Variants in TMIGD3 observed in about 807,000 individuals in gnomAD.
TMIGD3 encodes the protein AD026 protein (AD026).
A neutral mutation model predicts 28.1 loss-of-function variants in TMIGD3; 21 were observed. The ratio of observed to expected loss-of-function variants is 0.75; its 90% CI spans 0.53 to 1.08. The LOEUF (loss-of-function observed/expected upper bound fraction) is 1.08, where lower values mean the gene tolerates loss of function less well. Among genes scored for constraint, TMIGD3 ranks in the 50% least tolerant of loss-of-function variants. The probability of loss-of-function intolerance (pLI) is 0.00; values close to 1 mark genes in which losing one functional copy is unlikely to be tolerated. For synonymous variants in TMIGD3, 151 were observed against 162.1 expected, an observed-to-expected ratio of 0.93 and a Z score of 0.52; for missense variants, 416 against 435.6, an observed-to-expected ratio of 0.96 and a Z score of 0.40.
At chr1:111,518,121 C>T (rs1478238182) in intron 1 of TMIGD3, among the ~76,000 whole-genome samples, 1 of 152,160 alleles carries the variant, frequency 6.6e-6, no homozygotes, top group African/African-American at 2.4e-5. Flanking sequence ...CACTTTTAAC[C>T]TTTTTGCTAT....
intron 1 of TMIGD3, among the ~76,000 whole-genome samples, chr1:111,560,768 AG>A (rs1657707304): frequency 6.6e-6 from 1 of 152,210 alleles, no homozygotes; most frequent in Non-Finnish European, 1.5e-5. Context: ...CTGGGATTAC[AG>A]GCACACACCA....
chr1:111,490,221 A>G (rs556660478), intron 2 of TMIGD3: 117 of 164,376 alleles, frequency 7.1e-4, no homozygotes, highest in African/African-American at 2.3e-3. Context: ...ATGTGCACAT[A>G]TATTTTTGAG....
At chr1:111,509,039 G>A (rs956844690) in intron 1 of TMIGD3, among the ~76,000 whole-genome samples, 2 of 152,216 alleles carry the variant, frequency 1.3e-5, no homozygotes, top group African/African-American at 4.8e-5. Context: ...AGGTTGCAGT[G>A]AGGTGAGATC....
chr1:111,528,481 T>A (rs1048774015), intron 1 of TMIGD3, among the ~76,000 whole-genome samples: 4 of 152,164 alleles, frequency 2.6e-5, no homozygotes, highest in Admixed American at 6.5e-5. Flanking sequence ...TTTAATATCG[T>A]GTTGGCTATT....
At chr1:111,513,064 T>C (rs1655744643) in intron 1 of TMIGD3, among the ~76,000 whole-genome samples, 1 of 152,180 alleles carries the variant, frequency 6.6e-6, no homozygotes, top group African/African-American at 2.4e-5. Context: ...GTCTGACAGT[T>C]CACAGCTTCC....
At chr1:111,504,120 A>G, upstream of TMIGD3, 1 of 985,398 alleles carries the variant, frequency 1.0e-6, no homozygotes, top group Non-Finnish European at 1.2e-6. Context: ...TGCAGCAAAG[A>G]TCCTTGGTCA....
At chr1:111,521,283 G>A (rs573394123) in intron 1 of TMIGD3, among the ~76,000 whole-genome samples, 240 of 152,164 alleles carry the variant, frequency 1.6e-3, no homozygotes, top group African/African-American at 5.4e-3. Flanking sequence ...CATGTTTTTG[G>A]GGTAAATACC....
At chr1:111,494,143 G>A (rs138360786) in intron 1 of TMIGD3, among the ~76,000 whole-genome samples, 4 of 152,282 alleles carry the variant, frequency 2.6e-5, no homozygotes, top group African/African-American at 4.8e-5. Flanking sequence ...ATAGGAAGTC[G>A]GATTGCTATC....
upstream of TMIGD3, among the ~76,000 whole-genome samples, chr1:111,506,901 T>A (rs867418318): frequency 7.4e-4 from 72 of 97,838 alleles, no homozygotes; most frequent in South Asian, 2.3e-3. Context: ...ACAAAAAATA[T>A]ATATATATAT....
chr1:111,499,575 T>C (rs927977188), intron 1 of TMIGD3: 36 of 1,023,708 alleles, frequency 3.5e-5, no homozygotes, highest in Non-Finnish European at 1.8e-5. Context: ...CACAATGGTA[T>C]GGAAATGAGT....
intron 1 of TMIGD3, among the ~76,000 whole-genome samples, chr1:111,535,463 G>A (rs978706897): frequency 3.3e-5 from 5 of 152,338 alleles, no homozygotes; most frequent in Non-Finnish European, 5.9e-5. Context: ...AATCAGATGG[G>A]CATTTGTTCA....
intron 1 of TMIGD3, among the ~76,000 whole-genome samples, chr1:111,497,859 T>C (rs1172028582): frequency 6.6e-6 from 1 of 152,174 alleles, no homozygotes; most frequent in South Asian, 2.1e-4. Context: ...GTGTACAACG[T>C]AGTGTATCTA....
At position 111,490,000 on chromosome 1, in the gene TMIGD3, G is replaced by T. The variant is rs1468254774; in HGVS notation, c.457+656C>A. ...CAAAAACCACTAAAATGCAGGCTCA[G>T]GTTCTTTATAACATTTTGTTTTCGT... On this transcript the variant is annotated intron_variant, in intron 2 of 5. Transcript: ENST00000369716. Among the ~76,000 whole-genome samples, 5 of 152,270 alleles carry T rather than the reference G, an allele frequency of 3.3e-5. No homozygotes were observed. In the South Asian group the frequency reaches 6.2e-4, roughly 19 times the overall value.
At chr1:111,519,095 C>G (rs374185385) in intron 1 of TMIGD3, among the ~76,000 whole-genome samples, 1 of 152,238 alleles carries the variant, frequency 6.6e-6, no homozygotes, top group South Asian at 2.1e-4. Flanking sequence ...CCTGCCACCA[C>G]GCCTGGCTAA....
chr1:111,503,317 A>G lies in TMIGD3; in HGVS notation c.38T>C (p.Val13Ala), dbSNP rs1368573875. 1.9e-6 allele frequency: 3 copies of G among 1,613,834 alleles called. No individual in the cohort carries two copies. The highest frequency in any genetic ancestry group is 1.3e-5 in the African/African-American group (1 of 74,922). The change falls in exon 1 of 6, where the codon GTT becomes GCT. Residue 13 changes from valine (V) to alanine (A), a missense_variant. Coordinates refer to ENST00000369716, the MANE Select transcript of TMIGD3 (RefSeq NM_020683.7). The stretch of plus-strand genomic sequence containing the variant: ...GAAAATTTCCATGGTGATGTAGGTA[A>G]CATTGGCCAATGACAGAGCAGTGCT... ...NNSTALSLAN[V>A]TYITMEIFIG...
At chr1:111,506,924 T>TAC (rs1425759317), upstream of TMIGD3, among the ~76,000 whole-genome samples, 2 of 121,162 alleles carry the variant, frequency 1.7e-5, no homozygotes, top group African/African-American at 7.1e-5. Context: ...TATATATATA[T>TAC]ATACACACAC....
At chr1:111,528,911 T>C (rs924081388) in intron 1 of TMIGD3, among the ~76,000 whole-genome samples, 1 of 152,012 alleles carries the variant, frequency 6.6e-6, no homozygotes, top group African/African-American at 2.4e-5. Context: ...AGGAGGTTTT[T>C]TCCTGTTTAT....
At chr1:111,551,938 GT>G (rs1280329503) in intron 1 of TMIGD3, among the ~76,000 whole-genome samples, 1 of 152,192 alleles carries the variant, frequency 6.6e-6, no homozygotes, top group African/African-American at 2.4e-5. Context: ...CATGTGAACA[GT>G]TCTCGGCATG....
chr1:111,536,030 G>A lies in TMIGD3; in HGVS notation c.107+27816C>T, dbSNP rs188787408. ...CTCTTCAACTCTGCAAGAGAATTTCGTTCCATTTAAGTCCAGGAGATGTGG... is the reference window on the plus strand; with the variant it reads ...CTCTTCAACTCTGCAAGAGAATTTCATTCCATTTAAGTCCAGGAGATGTGG... On this transcript the variant is annotated intron_variant, in intron 1 of 5. Transcript: ENST00000369717. Among the ~76,000 whole-genome samples the A allele has an allele frequency of 5.3e-5, 8 of 152,158 alleles. No individual in the cohort carries two copies. In the East Asian group the frequency reaches 9.7e-4, roughly 18 times the overall value.
Sources: allele counts gnomAD v4.1 joint callset (sites outside exome capture counted in the v4.1 genomes callset), GRCh38; gene constraint gnomAD v4.1.1; transcripts MANE v1.5; gene names NCBI Gene and HGNC (gene_info 2026-07-23, HGNC 2026-07-21).